Variants in STAG1 observed in about 807,000 individuals in gnomAD.
The protein encoded by STAG1 is STAG1 cohesin complex component, also known as cohesin subunit SA-1.
Under a neutral mutation model 170.9 loss-of-function variants are expected in STAG1, and 26 were observed. That is an observed-to-expected ratio of 0.15 (90% CI 0.11 to 0.21). The LOEUF (loss-of-function observed/expected upper bound fraction) is 0.21, where lower values mean the gene tolerates loss of function less well. Ranked by LOEUF, STAG1 falls within the 10% of genes least tolerant of loss-of-function variation. STAG1 has a pLI of 1.00. For missense variants in STAG1, 964 were observed against 1,509.5 expected (o/e 0.64, Z 5.99); for synonymous variants, 514 against 497.7 (o/e 1.03, Z -0.44).
rs762965813 is a variant in STAG1, at chr3:136,604,489, A to G, written c.133-16T>C. ...TATTTGTAGACTGAAAAAAAGATAA[A>G]AAAAGATTCCATTCGATTAGGTTTA... On this transcript the variant is annotated splice_polypyrimidine_tract_variant and intron_variant, in intron 3 of 33. Transcript: ENST00000383202. 8.8e-6 allele frequency: 14 copies of G among 1,583,978 alleles called. No individual in the cohort carries two copies. Among genetic ancestry groups the G allele is most frequent in the Non-Finnish European group, 1.2e-5 (14 of 1,170,306 alleles).
At chr3:136,427,721 G>C (rs553707840) in intron 16 of STAG1, among the ~76,000 whole-genome samples, 1 of 150,362 alleles carries the variant, frequency 6.7e-6, no homozygotes, top group South Asian at 2.1e-4. Flanking sequence ...AAAAACCACT[G>C]TACCTTTTGC....
chr3:136,543,335 T>A (rs189385879), intron 5 of STAG1, among the ~76,000 whole-genome samples: 2 of 152,298 alleles, frequency 1.3e-5, no homozygotes, highest in East Asian at 3.9e-4. Context: ...ATCAGGCATT[T>A]GTATAGTCCT....
intron 6 of STAG1, among the ~76,000 whole-genome samples, chr3:136,537,324 A>G (rs111790380): frequency 4.6e-5 from 7 of 152,164 alleles, no homozygotes; most frequent in Non-Finnish European, 1.0e-4. Context: ...CACTTGGTCC[A>G]TATTTCAGAC....
intron 13 of STAG1, among the ~76,000 whole-genome samples, chr3:136,460,795 T>G (rs768229086): frequency 6.6e-6 from 1 of 151,774 alleles, no homozygotes; most frequent in Non-Finnish European, 1.5e-5. Flanking sequence ...AAATTGAAGA[T>G]AAGGGAATAC....
At chr3:136,658,732 G>A (rs1941474842) in intron 1 of STAG1, among the ~76,000 whole-genome samples, 1 of 152,150 alleles carries the variant, frequency 6.6e-6, no homozygotes, top group Non-Finnish European at 1.5e-5. Flanking sequence ...TGATAATTAT[G>A]TTTTACTTAT....
intron 16 of STAG1, among the ~76,000 whole-genome samples, chr3:136,423,359 G>A (rs2088015688): frequency 6.6e-6 from 1 of 152,100 alleles, no homozygotes. Context: ...TTTAATCTCA[G>A]TGTGTTAACA....
intron 2 of STAG1, among the ~76,000 whole-genome samples, chr3:136,629,154 T>C (rs1158820637): frequency 6.6e-6 from 1 of 152,200 alleles, no homozygotes; most frequent in African/African-American, 2.4e-5. Context: ...ACTCATGTAA[T>C]ACAACTTCAA....
intron 1 of STAG1, among the ~76,000 whole-genome samples, chr3:136,706,291 G>T (rs2107913940): frequency 6.6e-6 from 1 of 152,306 alleles, no homozygotes; most frequent in South Asian, 2.1e-4. Flanking sequence ...AGGATGAAGT[G>T]TAACTATCTC....
chr3:136,554,930 AAAG>A (rs972948323), intron 5 of STAG1, among the ~76,000 whole-genome samples: 2 of 152,090 alleles, frequency 1.3e-5, no homozygotes, highest in East Asian at 1.9e-4. Context: ...CCATTAAAAC[AAAG>A]AAGAACAAAT....
At chr3:136,472,536 A>G (rs1576503913) in intron 11 of STAG1, 44 bp from the exon 12 acceptor site, 1 of 1,358,868 alleles carries the variant, frequency 7.4e-7, no homozygotes, top group Non-Finnish European at 1.1e-6. Flanking sequence ...TGAACAGAAA[A>G]TAAGCTGGGA....
At chr3:136,663,102 A>G (rs147613290) in intron 1 of STAG1, among the ~76,000 whole-genome samples, 1 of 152,144 alleles carries the variant, frequency 6.6e-6, no homozygotes, top group African/African-American at 2.4e-5. Context: ...TTAAAATAAA[A>G]TCAAGTGGGT....
intron 10 of STAG1, among the ~76,000 whole-genome samples, chr3:136,474,356 T>C (rs1474798846): frequency 6.6e-6 from 1 of 152,214 alleles, no homozygotes; most frequent in Non-Finnish European, 1.5e-5. Flanking sequence ...TAAATTTTAG[T>C]TCCAATTCTA....
chr3:136,744,673 CTTT>C (rs34241550), intron 1 of STAG1, among the ~76,000 whole-genome samples: 6 of 117,456 alleles, frequency 5.1e-5, no homozygotes, highest in African/African-American at 9.7e-5. Flanking sequence ...CTGCAACCAT[CTTT>C]TTTTTTTTTT....
chr3:136,636,535 A>G (rs1168479998), intron 1 of STAG1, among the ~76,000 whole-genome samples: 2 of 152,358 alleles, frequency 1.3e-5, no homozygotes, highest in East Asian at 3.9e-4. Flanking sequence ...AATATAACAT[A>G]CATGAATATA....
At chr3:136,492,385 C>G (rs1274981238) in intron 9 of STAG1, among the ~76,000 whole-genome samples, 1 of 152,110 alleles carries the variant, frequency 6.6e-6, no homozygotes, top group African/African-American at 2.4e-5. Context: ...AAAGCTTTGT[C>G]AAGACTCAAG....
chr3:136,514,088 T>A (rs985533984), intron 7 of STAG1, among the ~76,000 whole-genome samples: 5 of 152,316 alleles, frequency 3.3e-5, no homozygotes, highest in Middle Eastern at 6.8e-3. Flanking sequence ...ACTTTTCTCT[T>A]TTTCTGAATT....
At chr3:136,712,408 C>T (rs900483655) in intron 1 of STAG1, among the ~76,000 whole-genome samples, 5 of 152,150 alleles carry the variant, frequency 3.3e-5, no homozygotes, top group African/African-American at 1.2e-4. Context: ...CCTACTTAAA[C>T]TGACAAATGC....
chr3:136,723,037 C>A (rs1404993106), intron 1 of STAG1, among the ~76,000 whole-genome samples: 1 of 152,216 alleles, frequency 6.6e-6, no homozygotes, highest in Non-Finnish European at 1.5e-5. Context: ...GATCTCCGCT[C>A]GCTACAACCT....
At chr3:136,438,333 C>A (rs946402131) in intron 15 of STAG1, among the ~76,000 whole-genome samples, 1 of 150,454 alleles carries the variant, frequency 6.6e-6, no homozygotes, top group Non-Finnish European at 1.5e-5. Context: ...TGTGATTCTC[C>A]TGCCTCAGTC....
Sources: gnomAD v4.1 joint callset for allele counts (sites outside exome capture counted in the v4.1 genomes callset) on GRCh38, gnomAD v4.1.1 for gene constraint, MANE v1.5 for transcripts, NCBI Gene and HGNC (gene_info 2026-07-23, HGNC 2026-07-21) for gene names.